The following PCDHAC2 variants were observed in gnomAD, a reference collection of about 807,000 sequenced individuals.
PCDHAC2 encodes protocadherin alpha-C2.
PCDHAC2 carries 24 observed loss-of-function variants against 63.3 expected under a neutral mutation model. That is an observed-to-expected ratio of 0.38 (90% CI 0.27 to 0.53). The LOEUF (loss-of-function observed/expected upper bound fraction) is 0.53, where lower values mean the gene tolerates loss of function less well. Among genes scored for constraint, PCDHAC2 ranks in the 20% least tolerant of loss-of-function variants. PCDHAC2 has a pLI of 0.81. For missense variants in PCDHAC2, 1,181 were observed against 1,275.2 expected, an observed-to-expected ratio of 0.93 and a Z score of 1.12; for synonymous variants, 569 against 529.4, an observed-to-expected ratio of 1.07 and a Z score of -1.03.
In PCDHAC2 at chr5:140,968,146, T is replaced by C; in HGVS notation, c.1380T>C (p.Ser460=). The change falls in exon 1 of 4, where the codon TCT becomes TCC. Residue 460 remains serine, a synonymous_variant. Transcript: ENST00000289269. ...TGCGTACACTGAAGGTTGAGATCTC[T>C]GACATCAATGACAATCCACCAAGCT... is the stretch of plus-strand genomic sequence containing the variant. ...TSLRTLKVEI[S]DINDNPPSFL... is the part of the protein sequence containing the mutation. 1 of 1,614,140 alleles carries C rather than the reference T, an allele frequency of 6.2e-7. No individual in the cohort carries two copies.
chr5:140,994,434 G>A (rs1238502710), intron 3 of PCDHAC2, among the ~76,000 whole-genome samples: 1 of 152,156 alleles, frequency 6.6e-6, no homozygotes, highest in African/African-American at 2.4e-5. Flanking sequence ...CGGGCGCAGT[G>A]GCTCACACCT....
chr5:140,966,655 G>C lies in PCDHAC2; in HGVS notation c.-112G>C. 8.4e-7 allele frequency: 1 copy of C among 1,195,250 alleles called. No homozygotes were observed. The highest frequency in any genetic ancestry group is 2.0e-5 in the South Asian group (1 of 50,008). The allele number at this position is 1,195,250 out of a possible 1,614,324, so 74.0% of individuals were successfully genotyped here. On this transcript the variant is annotated 5_prime_UTR_variant, in exon 1 of 4. Transcript: ENST00000289269. Reference sequence around the variant, plus strand: ...AGGCGCTTTCTAGAGCGTGAGCGGTGGGGGAGCAGGCGCAGGGTGGCACGA... The same window carrying C: ...AGGCGCTTTCTAGAGCGTGAGCGGTCGGGGAGCAGGCGCAGGGTGGCACGA...
At chr5:140,993,107 A>G (rs2097540621) in intron 3 of PCDHAC2, among the ~76,000 whole-genome samples, 1 of 152,218 alleles carries the variant, frequency 6.6e-6, no homozygotes, top group South Asian at 2.1e-4. Context: ...TTCAGCGGTC[A>G]GTGTCACATC....
At chr5:140,982,694 A>G in intron 3 of PCDHAC2, 131 bp downstream of exon 3, 1 of 1,402,998 alleles carries the variant, frequency 7.1e-7, no homozygotes, top group Non-Finnish European at 9.4e-7. Flanking sequence ...TTCCATACAT[A>G]CATGATTTCC....
intron 3 of PCDHAC2, among the ~76,000 whole-genome samples, chr5:140,997,957 C>T (rs1051643572): frequency 6.6e-5 from 10 of 152,156 alleles, no homozygotes; most frequent in East Asian, 1.9e-4. Context: ...TTGGCATTCA[C>T]GTACCTGTGG....
intron 3 of PCDHAC2, among the ~76,000 whole-genome samples, chr5:141,009,257 C>G (rs1375950001): frequency 6.6e-6 from 1 of 152,136 alleles, no homozygotes; most frequent in Non-Finnish European, 1.5e-5. Flanking sequence ...GTGTTTGAGA[C>G]CAGCCTGGGC....
In PCDHAC2 at chr5:140,967,555, C is replaced by T; in HGVS notation, c.789C>T (p.Arg263=). 4 of 1,614,008 alleles carry T rather than the reference C, an allele frequency of 2.5e-6. No homozygotes were observed. Among genetic ancestry groups the T allele is most frequent in the Non-Finnish European group, 3.4e-6 (4 of 1,179,974 alleles). Residue 263 remains arginine (R), a synonymous_variant, in exon 1 of 4, where the codon CGC becomes CGT. Coordinates refer to ENST00000289269, the MANE Select transcript of PCDHAC2 (RefSeq NM_018899.6). ...NSPAFDQSTY[R]VQLREDSPPG... ...CTGCCTTTGACCAGTCCACTTATCGCGTCCAGCTACGGGAGGACTCACCCC... is the reference window on the plus strand; with the variant it reads ...CTGCCTTTGACCAGTCCACTTATCGTGTCCAGCTACGGGAGGACTCACCCC...
chr5:140,997,698 A>G (rs1587762890), intron 3 of PCDHAC2, among the ~76,000 whole-genome samples: 4 of 145,560 alleles, frequency 2.7e-5, no homozygotes, highest in South Asian at 2.2e-4. Context: ...GTGTGTGTGT[A>G]TGTTAACAAA....
intron 2 of PCDHAC2, among the ~76,000 whole-genome samples, chr5:140,979,231 C>T (rs1203154373): frequency 6.6e-6 from 1 of 152,186 alleles, no homozygotes; most frequent in Non-Finnish European, 1.5e-5. Context: ...TCTGTAAAAT[C>T]ACAGAAACAG....
intron 3 of PCDHAC2, among the ~76,000 whole-genome samples, chr5:140,997,376 C>T (rs1554255857): frequency 2.6e-5 from 4 of 152,144 alleles, no homozygotes. Flanking sequence ...GATGATATAG[C>T]ATACTACACA....
At position 140,999,690 on chromosome 5, in the gene PCDHAC2, G is replaced by A. The variant is rs113599808; in HGVS notation, c.2714-9937G>A. Among the ~76,000 whole-genome samples the A allele has an allele frequency of 6.4e-3, 977 of 152,230 alleles. 14 individuals are homozygous for A. Among genetic ancestry groups the A allele is most frequent in the African/African-American group, 0.023 (950 of 41,554 alleles). Reference sequence around the variant, plus strand: ...CGGGGGGCTCACAGAAAGAAGAAATGTGATTTTTTTTTAGCTAACTACGGA... The same window carrying A: ...CGGGGGGCTCACAGAAAGAAGAAATATGATTTTTTTTTAGCTAACTACGGA... On this transcript the variant is annotated intron_variant, in intron 3 of 3. Coordinates refer to ENST00000289269, the MANE Select transcript of PCDHAC2 (RefSeq NM_018899.6).
intron 1 of PCDHAC2, among the ~76,000 whole-genome samples, chr5:140,978,464 C>T (rs1281042342): frequency 5.3e-5 from 8 of 152,226 alleles, no homozygotes; most frequent in Non-Finnish European, 2.9e-5. Flanking sequence ...CGCCCTGGGT[C>T]AAATATGCTG....
At position 141,011,472 on chromosome 5, in the gene PCDHAC2, C is replaced by T. The variant is rs1347341869; in HGVS notation, c.*1535C>T. 40 of 153,652 alleles carry T rather than the reference C, an allele frequency of 2.6e-4. No individual in the cohort carries two copies. The highest frequency in any genetic ancestry group is 9.4e-4 in the African/African-American group (39 of 41,410). 9.5% of individuals were successfully genotyped at this position (153,652 alleles called of 1,614,324 possible). On this transcript the variant is annotated 3_prime_UTR_variant, in exon 4 of 4. Transcript: ENST00000289269. Reference sequence around the variant, plus strand: ...TAAGCTTTATTGTTGAATGTAATTCCATTATATTTCCTTTTGTACACCTGT... The same window carrying T: ...TAAGCTTTATTGTTGAATGTAATTCTATTATATTTCCTTTTGTACACCTGT...
At chr5:141,008,159 G>A (rs1352277469) in intron 3 of PCDHAC2, among the ~76,000 whole-genome samples, 1 of 152,138 alleles carries the variant, frequency 6.6e-6, no homozygotes, top group East Asian at 1.9e-4. Flanking sequence ...TTGATAAGAT[G>A]AGGACTAAAA....
intron 3 of PCDHAC2, among the ~76,000 whole-genome samples, chr5:140,992,128 G>GACTGATGAT (rs2097493639): frequency 6.6e-6 from 1 of 151,816 alleles, no homozygotes; most frequent in Non-Finnish European, 1.5e-5. Context: ...GAAGAACAGT[G>GACTGATGAT]ACTGATGATG....
chr5:140,990,184 A>G lies in PCDHAC2; in HGVS notation c.2713+7621A>G, dbSNP rs1230599539. 1.3e-5 allele frequency among the ~76,000 whole-genome samples: 2 copies of G among 152,158 alleles called. 1 individual carries two copies. The highest frequency in any genetic ancestry group is 2.9e-5 in the Non-Finnish European group (2 of 68,034). ...GGGTATGAAAAGGTGACTTTTAAGA[A>G]CCAAATGTGGACCCGAAAGAGAACA... is the stretch of plus-strand genomic sequence containing the variant. On this transcript the variant is annotated intron_variant, in intron 3 of 3. Transcript: ENST00000289269.
rs2096251750 is a variant in PCDHAC2 at position 140,968,509 on chromosome 5, C to T, written c.1743C>T (p.Tyr581=). 3 of 1,614,162 alleles carry T rather than the reference C, an allele frequency of 1.9e-6. No individual in the cohort carries two copies. In the South Asian group the frequency reaches 3.3e-5, roughly 18 times the overall value. The change falls in exon 1 of 4, where the codon TAC becomes TAT. Residue 581 remains tyrosine, a synonymous_variant. Coordinates refer to ENST00000289269, the MANE Select transcript of PCDHAC2 (RefSeq NM_018899.6). Reference sequence around the variant, plus strand: ...ATGACCATGCCCCTCACATTCTGTACCCTACCTCAACCAACTCGTCAGCAG... The same window carrying T: ...ATGACCATGCCCCTCACATTCTGTATCCTACCTCAACCAACTCGTCAGCAG... ...DMNDHAPHIL[Y]PTSTNSSAAF... is the part of the protein sequence containing the mutation.
At chr5:140,997,472 C>CACA (rs1386540010) in intron 3 of PCDHAC2, among the ~76,000 whole-genome samples, 12 of 152,120 alleles carry the variant, frequency 7.9e-5, no homozygotes, top group Non-Finnish European at 1.8e-4. Context: ...GCAATTTTTA[C>CACA]ACAATGATAA....
At chr5:140,982,436 T>G (rs782353079) in intron 2 of PCDHAC2, 39 bp from the exon 3 acceptor site, 18 of 1,613,262 alleles carry the variant, frequency 1.1e-5, no homozygotes, top group Non-Finnish European at 1.5e-5. Context: ...GGAAAGAATT[T>G]ATGATCTAAC....
Sources: allele counts gnomAD v4.1 joint callset (sites outside exome capture counted in the v4.1 genomes callset), GRCh38; gene constraint gnomAD v4.1.1; transcripts MANE v1.5; gene names NCBI Gene and HGNC (gene_info 2026-07-23, HGNC 2026-07-21).